The following VWA3A variants were observed in gnomAD, a reference collection of about 807,000 sequenced individuals.
VWA3A encodes von Willebrand factor A domain-containing protein 3A.
In VWA3A, 134 loss-of-function variants were observed where a neutral mutation model predicts 160.4. The observed-to-expected ratio is 0.84, with a 90% confidence interval of 0.73 to 0.96. VWA3A has a LOEUF of 0.96. Ranked by LOEUF, VWA3A falls within the 40% of genes least tolerant of loss-of-function variation. VWA3A has a pLI of 0.00. For missense variants in VWA3A, 1,310 were observed against 1,447.9 expected, an observed-to-expected ratio of 0.90 and a Z score of 1.55; for synonymous variants, 476 against 543.4, an observed-to-expected ratio of 0.88 and a Z score of 1.72.
At chr16:22,133,467 C>T (rs1325789993) in intron 20 of VWA3A, among the ~76,000 whole-genome samples, 3 of 151,844 alleles carry the variant, frequency 2.0e-5, no homozygotes, top group Non-Finnish European at 4.4e-5. Flanking sequence ...GCCTGGCCAA[C>T]ATGGTGAAAC....
chr16:22,115,636 A>C (rs1295131289), intron 9 of VWA3A, among the ~76,000 whole-genome samples, 164 bp downstream of exon 9: 1 of 151,404 alleles, frequency 6.6e-6, no homozygotes, highest in East Asian at 1.9e-4. Flanking sequence ...GTTTGTGACC[A>C]GTCTGGGCAA....
intron 3 of VWA3A, among the ~76,000 whole-genome samples, chr16:22,099,869 G>C (rs1045631984): frequency 6.6e-6 from 1 of 152,222 alleles, no homozygotes; most frequent in Non-Finnish European, 1.5e-5. Context: ...GAGGTCAGGA[G>C]TTTGAGACCA....
intron 8 of VWA3A, 134 bp downstream of exon 8, chr16:22,111,128 A>G: frequency 1.4e-6 from 1 of 719,820 alleles, no homozygotes; most frequent in Non-Finnish European, 2.1e-6. Flanking sequence ...GACAACTCAC[A>G]AAAGCAGAAA....
At chr16:22,129,426 G>GAAAGAAAGAAAGAAAGAAAGAA (rs1375853747) in intron 17 of VWA3A, among the ~76,000 whole-genome samples, 1 of 150,320 alleles carries the variant, frequency 6.7e-6, no homozygotes, top group African/African-American at 2.5e-5. Context: ...AAGAAAGAAA[G>GAAAGAAAGAAAGAAAGAAAGAA]AGGTGCATGG....
chr16:22,133,986 CGG>C (rs1567215983), intron 20 of VWA3A, among the ~76,000 whole-genome samples: 3 of 151,956 alleles, frequency 2.0e-5, no homozygotes, highest in Non-Finnish European at 4.4e-5. Flanking sequence ...TTTTTAGAGA[CGG>C]GGTCTCCCTC....
intron 11 of VWA3A, among the ~76,000 whole-genome samples, chr16:22,117,948 T>G (rs2045673329): frequency 6.6e-6 from 1 of 152,128 alleles, no homozygotes; most frequent in South Asian, 2.1e-4. Context: ...GTAAAGTAAA[T>G]GACTGAAACT....
At chr16:22,121,185 C>A in intron 13 of VWA3A, 82 bp downstream of exon 13, 1 of 1,588,956 alleles carries the variant, frequency 6.3e-7, no homozygotes, top group African/African-American at 1.3e-5. Flanking sequence ...GTGGCTCACA[C>A]CTGCAATCCC....
intron 8 of VWA3A, among the ~76,000 whole-genome samples, chr16:22,112,007 C>A (rs1487742323): frequency 6.6e-6 from 1 of 152,180 alleles, no homozygotes; most frequent in Admixed American, 6.5e-5. Flanking sequence ...TAAATAGGAC[C>A]TACATAACAC....
At chr16:22,148,726 G>A (rs1369928610) in intron 28 of VWA3A, among the ~76,000 whole-genome samples, 1 of 151,964 alleles carries the variant, frequency 6.6e-6, no homozygotes, top group Non-Finnish European at 1.5e-5. Context: ...AGCTATGATT[G>A]CACCAGTGCA....
At chr16:22,147,786 T>G in intron 27 of VWA3A, 1 of 661,004 alleles carries the variant, frequency 1.5e-6, no homozygotes, top group Non-Finnish European at 2.7e-6. Flanking sequence ...CCAGCTCACA[T>G]ACCAGTACAC....
At chr16:22,134,121 G>A (rs879920161) in intron 20 of VWA3A, among the ~76,000 whole-genome samples, 6 of 151,984 alleles carry the variant, frequency 3.9e-5, no homozygotes, top group South Asian at 2.1e-4. Context: ...CCACCACCAC[G>A]CCCAGTTAAT....
At chr16:22,140,271 G>A (rs1179550423) in intron 23 of VWA3A, 27 bp downstream of exon 23, 1 of 1,607,292 alleles carries the variant, frequency 6.2e-7, no homozygotes, top group Non-Finnish European at 8.5e-7. Flanking sequence ...GTCAGGCAGG[G>A]TGGAGGGATG....
At chr16:22,099,297 T>A (rs1448278797) in intron 3 of VWA3A, among the ~76,000 whole-genome samples, 1 of 152,186 alleles carries the variant, frequency 6.6e-6, no homozygotes, top group African/African-American at 2.4e-5. Flanking sequence ...AAAGTAATCT[T>A]GCCCGTCAGT....
chr16:22,131,374 C>T lies in VWA3A; in HGVS notation c.1727+95C>T, dbSNP rs957225919. 6.1e-6 allele frequency: 9 copies of T among 1,487,324 alleles called. No homozygotes were observed. In the Admixed American group the frequency reaches 1.4e-4, roughly 23 times the overall value. The allele number at this position is 1,487,324 out of a possible 1,614,324, so 92.1% of individuals were successfully genotyped here. ...CCCCTCTCCACCAAGAAGTAGCTCT[C>T]TAGAGTCCCTGACCCCAAACAGCCA... On this transcript the variant is annotated intron_variant, in intron 18 of 33. Coordinates refer to ENST00000389398, the MANE Select transcript of VWA3A (RefSeq NM_173615.5).
chr16:22,117,221 T>C, intron 11 of VWA3A, 45 bp downstream of exon 11: 1 of 1,550,458 alleles, frequency 6.4e-7, no homozygotes. Flanking sequence ...TCTCTCCTTG[T>C]CTGCCTCCAA....
At chr16:22,096,759 C>A in intron 1 of VWA3A, 100 bp from the exon 2 acceptor site, 1 of 801,462 alleles carries the variant, frequency 1.2e-6, no homozygotes, top group Non-Finnish European at 2.0e-6. Context: ...AAAAATTAAA[C>A]ATGTAGAAAA....
intron 16 of VWA3A, among the ~76,000 whole-genome samples, chr16:22,124,186 CAA>C (rs11426931): frequency 6.4e-5 from 3 of 46,594 alleles, no homozygotes; most frequent in Admixed American, 2.8e-4. Context: ...GTGTCTACCA[CAA>C]AAAAAAAAAA....
rs765917274 is a variant in VWA3A at position 22,100,314 on chromosome 16, G to A, written c.346G>A (p.Val116Met). The A allele has an allele frequency of 7.1e-6, 11 of 1,551,528 alleles. No individual in the cohort carries two copies. The African/African-American group carries it at 9.6e-5, about 14-fold the overall frequency. The change falls in exon 4 of 34, where the codon GTG (valine) becomes ATG (methionine). Residue 116 changes from valine (V) to methionine (M), a missense_variant. Coordinates refer to ENST00000389398, the MANE Select transcript of VWA3A (RefSeq NM_173615.5). ...TGACCTGATAAGCCAGGGCACAGAA[G>A]TGCTGTAAGTCTGAAGCTGTTCCCC... The part of the protein sequence containing the change: ...LADLISQGTE[V>M]LEEGTNVVQK...
chr16:22,120,712 G>A (rs1291278411), intron 12 of VWA3A, among the ~76,000 whole-genome samples: 1 of 152,188 alleles, frequency 6.6e-6, no homozygotes, highest in Admixed American at 6.5e-5. Context: ...GATCTTCATG[G>A]TAAGGTTAGG....
Sources: gnomAD v4.1 joint callset for allele counts (sites outside exome capture counted in the v4.1 genomes callset) on GRCh38, gnomAD v4.1.1 for gene constraint, MANE v1.5 for transcripts, NCBI Gene and HGNC (gene_info 2026-07-23, HGNC 2026-07-21) for gene names.